FOXP2: variants seen among roughly 807,000 people sequenced by gnomAD.
FOXP2 encodes forkhead box protein P2.
FOXP2 carries 12 observed loss-of-function variants against 115.8 expected under a neutral mutation model. That is an observed-to-expected ratio of 0.10 (90% CI 0.07 to 0.17). The LOEUF is 0.17. Ranked by LOEUF, FOXP2 falls within the 10% of genes least tolerant of loss-of-function variation. FOXP2 has a pLI of 1.00. For synonymous variants in FOXP2, 328 were observed against 297.7 expected (o/e 1.10, Z -1.05); for missense variants, 629 against 843.5 (o/e 0.75, Z 3.15).
intron 2 of FOXP2, among the ~76,000 whole-genome samples, chr7:114,436,445 A>G (rs2129209901): frequency 6.6e-6 from 1 of 151,230 alleles, no homozygotes; most frequent in Admixed American, 6.6e-5. Flanking sequence ...GCTGTCTAGC[A>G]AAGTGCCTAA....
chr7:114,132,190 C>T (rs570949779), intron 1 of FOXP2, among the ~76,000 whole-genome samples: 75 of 152,240 alleles, frequency 4.9e-4, no homozygotes, highest in Non-Finnish European at 1.0e-3. Context: ...TAAACTGATA[C>T]TTTATCTTAT....
At chr7:114,543,701 G>A (rs1419103152) in intron 3 of FOXP2, among the ~76,000 whole-genome samples, 1 of 152,166 alleles carries the variant, frequency 6.6e-6, no homozygotes, top group Non-Finnish European at 1.5e-5. Context: ...CTACTTGATT[G>A]TTTCATGGCT....
chr7:114,287,449 A>G (rs571352199), intron 1 of FOXP2, among the ~76,000 whole-genome samples: 226 of 152,090 alleles, frequency 1.5e-3, no homozygotes, highest in Non-Finnish European at 2.5e-3. Context: ...AATCTCTCAG[A>G]TTAAAGAAGG....
intron 2 of FOXP2, among the ~76,000 whole-genome samples, chr7:114,350,734 A>G (rs1791465523): frequency 6.6e-6 from 1 of 152,148 alleles, no homozygotes; most frequent in South Asian, 2.1e-4. Flanking sequence ...TCATCTAAAT[A>G]GTTGATATTG....
chr7:114,497,706 TA>T (rs1202524054), intron 2 of FOXP2, among the ~76,000 whole-genome samples: 6 of 131,744 alleles, frequency 4.6e-5, no homozygotes, highest in South Asian at 2.4e-4. Context: ...AATAAATAAA[TA>T]AAAGTTGCAT....
At chr7:114,180,456 C>A (rs1487933471) in intron 1 of FOXP2, among the ~76,000 whole-genome samples, 1 of 151,886 alleles carries the variant, frequency 6.6e-6, no homozygotes, top group African/African-American at 2.4e-5. Flanking sequence ...TGTTGGAATT[C>A]CTACTTTTGT....
intron 2 of FOXP2, among the ~76,000 whole-genome samples, chr7:114,524,782 C>T (rs560477347): frequency 8.6e-5 from 13 of 151,910 alleles, no homozygotes; most frequent in Non-Finnish European, 1.5e-4. Context: ...TACATTGCGA[C>T]GTAATTAAAT....
chr7:114,597,986 C>G (rs1457060408), intron 3 of FOXP2, among the ~76,000 whole-genome samples: 2 of 152,122 alleles, frequency 1.3e-5, no homozygotes, highest in Non-Finnish European at 2.9e-5. Flanking sequence ...TTTCCAGGAA[C>G]TAACACTACT....
chr7:114,341,568 T>C (rs1362093439), intron 2 of FOXP2, among the ~76,000 whole-genome samples: 2 of 151,316 alleles, frequency 1.3e-5, no homozygotes, highest in Non-Finnish European at 3.0e-5. Context: ...ATTCATTATT[T>C]AAACAAATGC....
chr7:114,449,854 T>G (rs1794995304), intron 2 of FOXP2, among the ~76,000 whole-genome samples: 1 of 152,128 alleles, frequency 6.6e-6, no homozygotes, highest in African/African-American at 2.4e-5. Context: ...ATGATTTATG[T>G]TGCAAAAATT....
At chr7:114,342,121 G>T (rs1165168611) in intron 2 of FOXP2, among the ~76,000 whole-genome samples, 1 of 151,316 alleles carries the variant, frequency 6.6e-6, no homozygotes, top group African/African-American at 2.4e-5. Context: ...AGGTGTTATT[G>T]CTGTTACTTG....
At chr7:114,534,735 C>A in intron 3 of FOXP2, 29 bp downstream of exon 3, 1 of 1,565,390 alleles carries the variant, frequency 6.4e-7, no homozygotes, top group South Asian at 1.1e-5. Context: ...TCCTTGGGGT[C>A]TTATTTTAAA....
At chr7:114,270,711 G>A (rs987465559) in intron 1 of FOXP2, among the ~76,000 whole-genome samples, 1 of 151,994 alleles carries the variant, frequency 6.6e-6, no homozygotes, top group Non-Finnish European at 1.5e-5. Flanking sequence ...TTGCTTAACA[G>A]TCCTTTATTA....
intron 13 of FOXP2, 27 bp from the exon 14 acceptor site, chr7:114,662,037 AT>A (rs777220571): frequency 1.2e-6 from 2 of 1,611,298 alleles, no homozygotes; most frequent in Non-Finnish European, 1.7e-6. Context: ...TATTTTTGCC[AT>A]TTTTTCTTCT....
chr7:114,169,607 C>T (rs967998696), intron 1 of FOXP2, among the ~76,000 whole-genome samples: 1 of 152,050 alleles, frequency 6.6e-6, no homozygotes, highest in African/African-American at 2.4e-5. Context: ...GGACTGTGGA[C>T]TTTTGAGTTA....
intron 2 of FOXP2, among the ~76,000 whole-genome samples, chr7:114,534,082 TA>T (rs1416194225): frequency 6.6e-6 from 1 of 151,906 alleles, no homozygotes; most frequent in Admixed American, 6.6e-5. Context: ...AACTGCACTT[TA>T]TTTTGTCAAA....
chr7:114,146,009 C>G (rs1366052652), intron 1 of FOXP2, among the ~76,000 whole-genome samples: 5 of 152,128 alleles, frequency 3.3e-5, no homozygotes, highest in African/African-American at 1.2e-4. Context: ...ATGTCTGACA[C>G]TGGGTACTTT....
In FOXP2 at chr7:114,577,152, A is replaced by G. The variant is rs559978448; in HGVS notation, c.258+42446A>G. On this transcript the variant is annotated intron_variant, in intron 3 of 16. Coordinates refer to ENST00000350908, the MANE Select transcript of FOXP2 (RefSeq NM_014491.4). The stretch of plus-strand genomic sequence containing the variant: ...CAAATGTTTATAACTGGCATAGTTT[A>G]TGCAGTACTGTATTTACTTAAAAAT... 2.6e-5 allele frequency among the ~76,000 whole-genome samples: 4 copies of G among 152,134 alleles called. No individual in the cohort carries two copies. The South Asian group carries it at 8.3e-4, about 31-fold the overall frequency.
chr7:114,573,532 A>T (rs897036984), intron 3 of FOXP2, among the ~76,000 whole-genome samples: 1 of 151,844 alleles, frequency 6.6e-6, no homozygotes, highest in African/African-American at 2.4e-5. Flanking sequence ...TGTAACTAAC[A>T]TTTATAATAA....
Sources: allele counts gnomAD v4.1 joint callset (sites outside exome capture counted in the v4.1 genomes callset), GRCh38; gene constraint gnomAD v4.1.1; transcripts MANE v1.5; gene names NCBI Gene and HGNC (gene_info 2026-07-23, HGNC 2026-07-21).